The following PACS2 variants were observed in gnomAD, a reference collection of about 807,000 sequenced individuals.
PACS2 encodes the protein phosphofurin acidic cluster sorting protein 2, also known as PACS1-like protein.
In PACS2, 36 loss-of-function variants were observed where a neutral mutation model predicts 113.0. That is an observed-to-expected ratio of 0.32 (90% CI 0.24 to 0.42). The LOEUF (loss-of-function observed/expected upper bound fraction) is 0.42, where lower values mean the gene tolerates loss of function less well. PACS2 is among the 10% of genes least tolerant of loss of function. PACS2 has a pLI of 1.00. For missense variants in PACS2, 1,015 were observed against 1,239.5 expected, an observed-to-expected ratio of 0.82 and a Z score of 2.72; for synonymous variants, 589 against 536.1, an observed-to-expected ratio of 1.10 and a Z score of -1.36.
upstream of PACS2, among the ~76,000 whole-genome samples, chr14:105,313,801 G>A (rs1168330010): frequency 1.3e-5 from 2 of 152,226 alleles, no homozygotes; most frequent in East Asian, 1.9e-4. Flanking sequence ...CCTAAATCTC[G>A]GCTTGGCATC....
chr14:105,360,315 G>GT (rs2060630144), intron 4 of PACS2, among the ~76,000 whole-genome samples: 1 of 152,190 alleles, frequency 6.6e-6, no homozygotes, highest in South Asian at 2.1e-4. Context: ...CAAGGCGGGC[G>GT]TATCACCTGA....
chr14:105,304,109 A>AGTACAGGACAGTCAGGCT (rs1215878507), intron 1 of PACS2, among the ~76,000 whole-genome samples: 1 of 152,242 alleles, frequency 6.6e-6, no homozygotes, highest in Non-Finnish European at 1.5e-5. Flanking sequence ...ACAGTCAGGC[A>AGTACAGGACAGTCAGGCT]GTACAGGACA....
chr14:105,393,606 T>G, intron 24 of PACS2: 1 of 369,188 alleles, frequency 2.7e-6, no homozygotes, highest in South Asian at 3.4e-5. Context: ...TTTTTTTTTT[T>G]GAGACAGAGT....
rs115423345 is a variant in PACS2 at position 105,390,521 on chromosome 14, G to T, written c.2076+518G>T. 2.2e-3 allele frequency: 387 copies of T among 178,812 alleles called. 1 individual carries two copies. Among genetic ancestry groups the T allele is most frequent in the African/African-American group, 8.5e-3 (363 of 42,644 alleles). 11.1% of individuals were successfully genotyped at this position (178,812 alleles called of 1,614,324 possible). On this transcript the variant is annotated intron_variant, in intron 20 of 24. Transcript: ENST00000447393. ...TTTCCTGCCATCTTTTCGCTCTGTT[G>T]TGTGGCCTCCCTCCCGCCAGGTGTC...
rs142929853 is a variant in PACS2, at chr14:105,339,204, G to A, written c.120-9289G>A. On this transcript the variant is annotated intron_variant, in intron 1 of 24. Transcript: ENST00000447393. ...CCACTGCCACTCAGAGCGAGACCAG[G>A]TGCTTCAAAAAGACTAGCAGGGTTG... Among the ~76,000 whole-genome samples, 37 of 152,294 alleles carry A rather than the reference G, an allele frequency of 2.4e-4. 1 individual carries two copies. The East Asian group carries it at 7.0e-3, about 29-fold the overall frequency.
chr14:105,382,144 AG>A (rs1423031152), intron 13 of PACS2, 86 bp downstream of exon 13: 2 of 1,368,430 alleles, frequency 1.5e-6, no homozygotes, highest in Non-Finnish European at 2.0e-6. Flanking sequence ...AGAGAAGCAC[AG>A]GGGGCCAAGG....
At chr14:105,345,433 A>G (rs1484861571) in intron 1 of PACS2, among the ~76,000 whole-genome samples, 3 of 152,114 alleles carry the variant, frequency 2.0e-5, no homozygotes, top group Non-Finnish European at 1.5e-5. Context: ...GAATCTTTAG[A>G]TTGTGTATTT....
At position 105,393,253 on chromosome 14, in the gene PACS2, G is replaced by A; in HGVS notation, c.2514G>A (p.Lys838=). 1 of 1,612,914 alleles carries A rather than the reference G, an allele frequency of 6.2e-7. No homozygotes were observed. Among genetic ancestry groups the A allele is most frequent in the Non-Finnish European group, 8.5e-7 (1 of 1,179,908 alleles). ...VMFLPKKAKD[K]DVESKSQCIE... ...TTCTGCCCAAGAAAGCGAAGGACAAGGACGTGGAGTCTAAGAGCCAGTGCA... is the reference window on the plus strand; with the variant it reads ...TTCTGCCCAAGAAAGCGAAGGACAAAGACGTGGAGTCTAAGAGCCAGTGCA... The change falls in exon 24 of 25, where the codon AAG becomes AAA. Residue 838 remains lysine (K), a synonymous_variant. Transcript: ENST00000447393.
chr14:105,304,951 T>A (rs956035570), intron 1 of PACS2, among the ~76,000 whole-genome samples: 1 of 152,218 alleles, frequency 6.6e-6, no homozygotes, highest in Non-Finnish European at 1.5e-5. Flanking sequence ...CAAGATGAGA[T>A]CTGGGTGGGT....
At chr14:105,384,573 G>C (rs1555413093) in intron 17 of PACS2, 110 bp downstream of exon 17, 1 of 698,046 alleles carries the variant, frequency 1.4e-6, no homozygotes, top group Admixed American at 2.5e-5. Flanking sequence ...CAGCCTCAGG[G>C]AAGAGGCCAT....
At chr14:105,374,219 T>C (rs2061262463) in intron 8 of PACS2, among the ~76,000 whole-genome samples, 1 of 150,898 alleles carries the variant, frequency 6.6e-6, no homozygotes, top group Non-Finnish European at 1.5e-5. Flanking sequence ...ATTATAAAGC[T>C]CTTAGAAGAA....
At chr14:105,333,591 G>T (rs1204457314) in intron 1 of PACS2, among the ~76,000 whole-genome samples, 1 of 152,352 alleles carries the variant, frequency 6.6e-6, no homozygotes, top group East Asian at 1.9e-4. Context: ...TTGGGCTTGC[G>T]GTGGCCACTT....
At chr14:105,304,469 CAA>C (rs1418592988) in intron 1 of PACS2, among the ~76,000 whole-genome samples, 8 of 151,866 alleles carry the variant, frequency 5.3e-5, no homozygotes, top group African/African-American at 1.2e-4. Context: ...GCCTGGACGA[CAA>C]GAGTGAAACT....
Position 105,317,307 on chromosome 14 carries a change from C to T in PACS2, c.119+2270C>T, listed in dbSNP as rs946132960. 2.0e-5 allele frequency among the ~76,000 whole-genome samples: 3 copies of T among 152,178 alleles called. No homozygotes were observed. Among genetic ancestry groups the T allele is most frequent in the East Asian group, 1.9e-4 (1 of 5,168 alleles). On this transcript the variant is annotated intron_variant, in intron 1 of 24. Coordinates refer to ENST00000447393, the MANE Select transcript of PACS2 (RefSeq NM_001100913.3). This position sits in a 1 kb window ranked among gnomAD's most constrained non-coding sequence, Gnocchi z 4.2. ...GTGGACATCGTGTGCCAGTCTTCTG[C>T]GTGTGTCTTTCTGGATGGGCAGGGC...
chr14:105,302,409 G>T (rs978996910), intron 1 of PACS2, among the ~76,000 whole-genome samples: 16 of 151,556 alleles, frequency 1.1e-4, no homozygotes, highest in African/African-American at 3.9e-4. Flanking sequence ...CTCCATGTTG[G>T]TCAGGCCAGT....
chr14:105,335,400 G>A (rs913471416), intron 1 of PACS2, among the ~76,000 whole-genome samples: 1 of 151,710 alleles, frequency 6.6e-6, no homozygotes, highest in Non-Finnish European at 1.5e-5. Flanking sequence ...CGCTGTGGCC[G>A]GCGCCTGGCG....
Position 105,348,364 on chromosome 14 carries a change from C to G in PACS2, c.120-129C>G. On this transcript the variant is annotated intron_variant, in intron 1 of 24. Coordinates refer to ENST00000447393, the MANE Select transcript of PACS2 (RefSeq NM_001100913.3). The surrounding 1 kb of genome is among the most constrained non-coding windows in gnomAD (Gnocchi z 6.4). ...GAGCCCTGTGAGGTCCTGGGGCCGCCCAGGCAGTCACACCCCGCCCTGCAC... is the reference window on the plus strand; with the variant it reads ...GAGCCCTGTGAGGTCCTGGGGCCGCGCAGGCAGTCACACCCCGCCCTGCAC... 1.5e-6 allele frequency: 1 copy of G among 652,124 alleles called. No homozygotes were observed. 40.4% of individuals were successfully genotyped at this position (652,124 alleles called of 1,614,324 possible). A position where few individuals can be genotyped will look rare whatever the true frequency, so the allele number is the denominator to read the frequency against.
chr14:105,369,468 C>G (rs1403133325), intron 7 of PACS2, among the ~76,000 whole-genome samples: 2 of 152,346 alleles, frequency 1.3e-5, no homozygotes, highest in Admixed American at 6.5e-5. Flanking sequence ...ACGCCCCACC[C>G]CACACTCGCC....
chr14:105,394,733 G>A lies in PACS2; in HGVS notation c.*61G>A, dbSNP rs1555416095. 9.6e-7 allele frequency: 1 copy of A among 1,045,392 alleles called. No individual in the cohort carries two copies. 64.8% of individuals were successfully genotyped at this position (1,045,392 alleles called of 1,614,324 possible). A position where few individuals can be genotyped will look rare whatever the true frequency, so the allele number is the denominator to read the frequency against. On this transcript the variant is annotated 3_prime_UTR_variant, in exon 25 of 25. Transcript: ENST00000447393. Reference sequence around the variant, plus strand: ...CTGTGAGGGGCCCAGCTGCATTTCTGTTAACATTTCAGTTTACTACAGAGA... The same window carrying A: ...CTGTGAGGGGCCCAGCTGCATTTCTATTAACATTTCAGTTTACTACAGAGA...
Sources: allele counts gnomAD v4.1 joint callset (sites outside exome capture counted in the v4.1 genomes callset), GRCh38; gene constraint gnomAD v4.1.1; non-coding constraint Gnocchi (gnomAD v3.1); transcripts MANE v1.5; gene names NCBI Gene and HGNC (gene_info 2026-07-23, HGNC 2026-07-21).